SYN3: variants seen among roughly 807,000 people sequenced by gnomAD.
SYN3 encodes the protein synapsin III.
Under a neutral mutation model 65.8 loss-of-function variants are expected in SYN3, and 35 were observed. That is an observed-to-expected ratio of 0.53 (90% CI 0.41 to 0.70). The LOEUF is 0.70. SYN3 is among the 30% of genes least tolerant of loss of function. SYN3 has a pLI of 0.00. For synonymous variants in SYN3, 270 were observed against 292.9 expected, an observed-to-expected ratio of 0.92 and a Z score of 0.80; for missense variants, 680 against 749.0, an observed-to-expected ratio of 0.91 and a Z score of 1.08.
chr22:32,623,842 G>A (rs1308153588), intron 6 of SYN3, among the ~76,000 whole-genome samples: 2 of 152,260 alleles, frequency 1.3e-5, no homozygotes, highest in East Asian at 3.9e-4. Context: ...TCGGAAAAAC[G>A]CTTCTCTGTG....
At chr22:32,872,040 G>A (rs2048864597) in intron 4 of SYN3, among the ~76,000 whole-genome samples, 1 of 151,952 alleles carries the variant, frequency 6.6e-6, no homozygotes, top group Admixed American at 6.6e-5. Flanking sequence ...GCGTGTAGGT[G>A]CCTCGTCCTC....
chr22:33,008,924 CAAAAAAAAAAAAAAAAAAAAAAA>C (rs201719238), intron 1 of SYN3, among the ~76,000 whole-genome samples: 7 of 57,100 alleles, frequency 1.2e-4, no homozygotes, highest in East Asian at 3.1e-3. Flanking sequence ...GACTTTATCT[CAAAAAAAAAAAAAAAAAAAAAAA>C]AAAAAAAAAA....
chr22:33,008,384 C>T (rs1245408552), intron 1 of SYN3, among the ~76,000 whole-genome samples: 2 of 152,090 alleles, frequency 1.3e-5, no homozygotes, highest in African/African-American at 2.4e-5. Flanking sequence ...CCTTCTGGTC[C>T]CTCCACATCT....
intron 6 of SYN3, among the ~76,000 whole-genome samples, chr22:32,626,224 C>T (rs1320590594): frequency 1.3e-5 from 2 of 152,122 alleles, no homozygotes; most frequent in African/African-American, 4.8e-5. Context: ...ACAGGCAGGA[C>T]ACACCACACA....
intron 6 of SYN3, among the ~76,000 whole-genome samples, chr22:32,654,648 C>T (rs1165685106): frequency 6.6e-6 from 1 of 152,178 alleles, no homozygotes; most frequent in South Asian, 2.1e-4. Flanking sequence ...GAAGTGTGAA[C>T]CCTACTGTGA....
At chr22:32,742,082 G>A (rs1317822946) in intron 6 of SYN3, among the ~76,000 whole-genome samples, 1 of 151,770 alleles carries the variant, frequency 6.6e-6, no homozygotes, top group South Asian at 2.1e-4. Flanking sequence ...GACCATCCTG[G>A]CTAACACGGT....
chr22:32,767,057 C>T (rs1411392599), intron 6 of SYN3, among the ~76,000 whole-genome samples: 1 of 152,150 alleles, frequency 6.6e-6, no homozygotes, highest in Non-Finnish European at 1.5e-5. Context: ...AGGCCTGTGC[C>T]TTCCGGGATA....
chr22:32,525,159 T>C (rs80133086), intron 12 of SYN3, among the ~76,000 whole-genome samples: 2,265 of 152,324 alleles, frequency 0.015, 56 homozygotes, highest in African/African-American at 0.052. Flanking sequence ...TAGGAGGAGA[T>C]CAAAATAGCA....
At chr22:32,811,274 G>A (rs993867724) in intron 6 of SYN3, among the ~76,000 whole-genome samples, 7 of 152,286 alleles carry the variant, frequency 4.6e-5, no homozygotes, top group Admixed American at 3.3e-4. Context: ...TGGAGAGGTC[G>A]CAAAATGGGT....
rs1030140767 is a variant in SYN3, at chr22:32,612,519, C to T, written c.712-15783G>A. Among the ~76,000 whole-genome samples, 8 of 152,228 alleles carry T rather than the reference C, an allele frequency of 5.3e-5. No individual in the cohort carries two copies. In the East Asian group the frequency reaches 7.7e-4, roughly 15 times the overall value. ...AGTGTTGCGAGTAGAAAAATAGTTT[C>T]GCTTTAGGGGCTAAAGAAAAAAGTA... On this transcript the variant is annotated intron_variant, in intron 6 of 13. Transcript: ENST00000358763.
chr22:32,831,981 C>T (rs1402403590), intron 6 of SYN3, among the ~76,000 whole-genome samples: 3 of 152,210 alleles, frequency 2.0e-5, no homozygotes, highest in African/African-American at 4.8e-5. Flanking sequence ...GGCAGGCTGT[C>T]GGCATTGTTA....
At chr22:32,805,981 C>G (rs918284766) in intron 6 of SYN3, among the ~76,000 whole-genome samples, 1 of 151,788 alleles carries the variant, frequency 6.6e-6, no homozygotes, top group Non-Finnish European at 1.5e-5. Flanking sequence ...GAGGAAAATT[C>G]TAATGTTCTT....
intron 6 of SYN3, among the ~76,000 whole-genome samples, chr22:32,819,096 G>A (rs1021340325): frequency 6.6e-6 from 1 of 152,364 alleles, no homozygotes; most frequent in African/African-American, 2.4e-5. Flanking sequence ...CTTGGCCAGG[G>A]GGTCACAGGG....
intron 6 of SYN3, among the ~76,000 whole-genome samples, chr22:32,737,589 G>A (rs1238350573): frequency 1.3e-5 from 2 of 152,080 alleles, no homozygotes; most frequent in Non-Finnish European, 2.9e-5. Flanking sequence ...CCTTGCGATA[G>A]TTTGCTGAGA....
At chr22:32,948,630 G>A (rs572948344) in intron 3 of SYN3, among the ~76,000 whole-genome samples, 118 of 152,080 alleles carry the variant, frequency 7.8e-4, no homozygotes, top group African/African-American at 2.6e-3. Flanking sequence ...TCAGCTACTC[G>A]GGAGGCTGAG....
intron 3 of SYN3, among the ~76,000 whole-genome samples, chr22:32,958,695 T>C (rs760452557): frequency 3.3e-5 from 5 of 152,186 alleles, no homozygotes; most frequent in Admixed American, 6.5e-5. Context: ...ACAGGCCTTA[T>C]TATCCCCACT....
chr22:32,775,013 A>G (rs757564275), intron 6 of SYN3, among the ~76,000 whole-genome samples: 1 of 152,156 alleles, frequency 6.6e-6, no homozygotes, highest in Non-Finnish European at 1.5e-5. Context: ...CCTCTGACCT[A>G]TCTGTCTCAG....
intron 6 of SYN3, among the ~76,000 whole-genome samples, chr22:32,611,483 G>A (rs1301918730): frequency 6.6e-6 from 1 of 151,810 alleles, no homozygotes; most frequent in Admixed American, 6.6e-5. Context: ...TAGTAGAGGT[G>A]GGGATTCACT....
At chr22:33,028,371 G>T (rs1292935920) in intron 1 of SYN3, among the ~76,000 whole-genome samples, 1 of 152,208 alleles carries the variant, frequency 6.6e-6, no homozygotes, top group Non-Finnish European at 1.5e-5. Flanking sequence ...ATGCTAATGC[G>T]CACCAGCTTC....
Sources: allele counts gnomAD v4.1 joint callset (sites outside exome capture counted in the v4.1 genomes callset), GRCh38; gene constraint gnomAD v4.1.1; transcripts MANE v1.5; gene names NCBI Gene and HGNC (gene_info 2026-07-23, HGNC 2026-07-21).